Variants in LPCAT3 observed in about 807,000 individuals in gnomAD.
The protein encoded by LPCAT3 is lysophosphatidylcholine acyltransferase 3.
LPCAT3 carries 21 observed loss-of-function variants against 63.4 expected under a neutral mutation model. The observed-to-expected ratio is 0.33, with a 90% CI of 0.23 to 0.48. LPCAT3 has a LOEUF of 0.48. Among genes scored for constraint, LPCAT3 ranks in the 20% least tolerant of loss-of-function variants. The pLI, the probability that LPCAT3 is intolerant of heterozygous loss-of-function variation, is 0.99. For missense variants in LPCAT3, 451 were observed against 590.6 expected (o/e 0.76, Z 2.45); for synonymous variants, 242 against 227.5 (o/e 1.06, Z -0.58).
At position 7,018,165 on chromosome 12, in the gene LPCAT3, G is replaced by A. The variant is rs1461041644; in HGVS notation, c.151+109C>T. On this transcript the variant is annotated intron_variant, in intron 1 of 12. Coordinates refer to ENST00000261407, the MANE Select transcript of LPCAT3 (RefSeq NM_005768.6). This position sits in a 1 kb window ranked among gnomAD's most constrained non-coding sequence, Gnocchi z 4.9. ...TGCTTCAGGATTCACACCCGCACCCGGCACAGCCCTCCCGGGTGGCTCCGG... is the reference window on the plus strand; with the variant it reads ...TGCTTCAGGATTCACACCCGCACCCAGCACAGCCCTCCCGGGTGGCTCCGG... The A allele has an allele frequency of 3.0e-6, 4 of 1,331,974 alleles. No homozygotes were observed. The highest frequency in any genetic ancestry group is 4.2e-6 in the Non-Finnish European group (4 of 957,992). 82.5% of individuals were successfully genotyped at this position (1,331,974 alleles called of 1,614,324 possible). A position where few individuals can be genotyped will look rare whatever the true frequency, so the allele number is the denominator to read the frequency against.
At chr12:7,011,044 C>A (rs1200187617) in intron 1 of LPCAT3, among the ~76,000 whole-genome samples, 1 of 152,078 alleles carries the variant, frequency 6.6e-6, no homozygotes, top group Non-Finnish European at 1.5e-5. Flanking sequence ...GAGACAGAAT[C>A]TTGCTCTTTT....
chr12:7,016,148 G>A (rs1170288077), intron 1 of LPCAT3, among the ~76,000 whole-genome samples: 1 of 151,312 alleles, frequency 6.6e-6, no homozygotes, highest in Non-Finnish European at 1.5e-5. Flanking sequence ...TCAGGCTGGA[G>A]TGCAGTGGTG....
intron 1 of LPCAT3, among the ~76,000 whole-genome samples, chr12:7,002,564 T>C (rs2138354378): frequency 6.6e-6 from 1 of 152,322 alleles, no homozygotes; most frequent in East Asian, 1.9e-4. Flanking sequence ...TTTCAGCAAA[T>C]GAAACAATAA....
chr12:6,982,547 A>C (rs1260049952), intron 3 of LPCAT3, 129 bp downstream of exon 3: 2 of 665,126 alleles, frequency 3.0e-6, no homozygotes, highest in African/African-American at 3.6e-5. Context: ...ACCTGAAGTC[A>C]TACTGCTAAG....
chr12:7,017,289 C>T lies in LPCAT3; in HGVS notation c.151+985G>A, dbSNP rs782791664. 6.6e-6 allele frequency among the ~76,000 whole-genome samples: 1 copy of T among 152,292 alleles called. No individual in the cohort carries two copies. The highest frequency in any genetic ancestry group is 2.1e-4 in the South Asian group (1 of 4,832). On this transcript the variant is annotated intron_variant, in intron 1 of 12. Coordinates refer to ENST00000261407, the MANE Select transcript of LPCAT3 (RefSeq NM_005768.6). The surrounding 1 kb of genome is among the most constrained non-coding windows in gnomAD (Gnocchi z 4.1). ...CTTAAATTTTATGTATATATATGTA[C>T]AGGTACTTCCCAATCTTGGCCCTTC...
rs751710536 is a variant in LPCAT3, at chr12:6,999,147, T to C, written c.152-15608A>G. The stretch of plus-strand genomic sequence containing the variant: ...ATTTTTATGTTTGCTTATCCTCCTA[T>C]TGAAAAATATTTTAAAAGTTCATTT... On this transcript the variant is annotated intron_variant, in intron 1 of 12. Transcript: ENST00000261407. 1.3e-3 allele frequency among the ~76,000 whole-genome samples: 202 copies of C among 152,352 alleles called. 1 individual carries two copies. The highest frequency in any genetic ancestry group is 3.4e-3 in the Middle Eastern group (1 of 294).
chr12:6,981,205 G>A (rs1228789656), intron 5 of LPCAT3, 23 bp from the exon 6 acceptor site: 2 of 1,577,964 alleles, frequency 1.3e-6, no homozygotes, highest in African/African-American at 2.7e-5. Flanking sequence ...GAGAATGCAT[G>A]GTTCAGGATA....
At chr12:6,978,259 G>C in intron 9 of LPCAT3, 82 bp downstream of exon 9, 1 of 1,487,680 alleles carries the variant, frequency 6.7e-7, no homozygotes, top group African/African-American at 1.4e-5. Flanking sequence ...GCATAGGGGT[G>C]ACATGGTACA....
intron 7 of LPCAT3, chr12:6,979,156 T>C (rs1043666206): frequency 5.4e-6 from 2 of 373,724 alleles, no homozygotes; most frequent in Admixed American, 4.3e-5. Context: ...GAGAAGAAAA[T>C]AGGATGGAGA....
At chr12:7,005,006 A>G (rs2062436437) in intron 1 of LPCAT3, among the ~76,000 whole-genome samples, 1 of 152,132 alleles carries the variant, frequency 6.6e-6, no homozygotes, top group Non-Finnish European at 1.5e-5. Context: ...TTATGCAACC[A>G]TCTCCACTAT....
intron 1 of LPCAT3, among the ~76,000 whole-genome samples, chr12:6,984,271 GT>G (rs1946500644): frequency 6.6e-6 from 1 of 152,218 alleles, no homozygotes; most frequent in South Asian, 2.1e-4. Context: ...AAGGCCATGA[GT>G]GAACCACAGA....
intron 9 of LPCAT3, 44 bp downstream of exon 9, chr12:6,978,297 T>C: frequency 3.8e-6 from 6 of 1,568,918 alleles, no homozygotes; most frequent in Non-Finnish European, 5.2e-6. Context: ...GGGAAGACAG[T>C]GGAAGGAAGG....
chr12:6,978,186 G>T, intron 9 of LPCAT3, 155 bp downstream of exon 9: 1 of 825,332 alleles, frequency 1.2e-6, no homozygotes, highest in Non-Finnish European at 1.9e-6. Flanking sequence ...TTTTGGGAGG[G>T]GGGTATAGGT....
At chr12:7,014,842 G>A (rs1330819593) in intron 1 of LPCAT3, among the ~76,000 whole-genome samples, 3 of 139,668 alleles carry the variant, frequency 2.1e-5, no homozygotes, top group African/African-American at 8.2e-5. Flanking sequence ...GCAATGAGCC[G>A]ACATCGAGCC....
In LPCAT3 at chr12:7,016,656, C is replaced by T. The variant is rs75947069; in HGVS notation, c.151+1618G>A. Among the ~76,000 whole-genome samples, 523 of 152,304 alleles carry T rather than the reference C, an allele frequency of 3.4e-3. 1 individual carries two copies. Among genetic ancestry groups the T allele is most frequent in the Admixed American group, 6.6e-3 (101 of 15,306 alleles). ...CCCACCTTGGCCTCCCAAAGTGTTA[C>T]GATTATAAGCATAAGCCGCTGCGTC... On this transcript the variant is annotated intron_variant, in intron 1 of 12. Coordinates refer to ENST00000261407, the MANE Select transcript of LPCAT3 (RefSeq NM_005768.6).
chr12:6,982,763 G>A lies in LPCAT3; in HGVS notation c.279C>T (p.Ser93=), dbSNP rs782046379. 6.8e-6 allele frequency: 11 copies of A among 1,613,446 alleles called. No homozygotes were observed. The highest frequency in any genetic ancestry group is 9.3e-6 in the Non-Finnish European group (11 of 1,179,580). ...YFNFGNQLYH[S]LLCIVLQFLI... Reference sequence around the variant, plus strand: ...GGAACTGAAGCACAATACACAGCAGGGAGTGGTAGAGCTGGTTTCCTGGAT... The same window carrying A: ...GGAACTGAAGCACAATACACAGCAGAGAGTGGTAGAGCTGGTTTCCTGGAT... The change falls in exon 3 of 13, where the codon TCC becomes TCT. Residue 93 remains serine, a synonymous_variant. Transcript: ENST00000261407.
chr12:7,016,258 C>G (rs1946796903), intron 1 of LPCAT3, among the ~76,000 whole-genome samples: 1 of 151,560 alleles, frequency 6.6e-6, no homozygotes, highest in Non-Finnish European at 1.5e-5. Context: ...GCCACCACGC[C>G]CAGCTCATTT....
In LPCAT3 at chr12:6,977,503, C is replaced by A. The variant is rs1436770025; in HGVS notation, c.1211G>T (p.Ser404Ile). 31 of 1,614,064 alleles carry A rather than the reference C, an allele frequency of 1.9e-5. No individual in the cohort carries two copies. The highest frequency in any genetic ancestry group is 2.6e-5 in the Non-Finnish European group (31 of 1,180,044). The change falls in exon 11 of 13, where the codon AGC becomes ATC. Residue 404 changes from serine to isoleucine, a missense_variant. Ser to Ile is a moderately radical substitution (Grantham distance 142, BLOSUM62 -2). Transcript: ENST00000261407. The surrounding 1 kb of genome is among the most constrained non-coding windows in gnomAD (Gnocchi z 4.5). ...GGCGGCCAGCTTGCTCAGGGTGGGG[C>A]TCTCTTGAATGAGCCTGGCAGCCTG... is the stretch of plus-strand genomic sequence containing the variant. ...ERQAARLIQESPTLSKLAAIT... is the reference protein window; with the variant it reads ...ERQAARLIQEIPTLSKLAAIT...
intron 9 of LPCAT3, 194 bp downstream of exon 9, chr12:6,978,147 C>CT (rs1565596487): frequency 4.5e-6 from 3 of 662,170 alleles, no homozygotes; most frequent in Non-Finnish European, 5.0e-6. Context: ...TATATCTTGC[C>CT]TTTTTTTCAA....
Sources: gnomAD v4.1 joint callset for allele counts (sites outside exome capture counted in the v4.1 genomes callset) on GRCh38, gnomAD v4.1.1 for gene constraint, Gnocchi (gnomAD v3.1) non-coding constraint, MANE v1.5 for transcripts, NCBI Gene and HGNC (gene_info 2026-07-23, HGNC 2026-07-21) for gene names.